NECAB2: variants seen among roughly 807,000 people sequenced by gnomAD.
The protein encoded by NECAB2 is N-terminal EF-hand calcium binding protein 2.
NECAB2 carries 68 observed loss-of-function variants against 51.9 expected under a neutral mutation model. The observed-to-expected ratio is 1.31, with a 90% confidence interval of 1.08 to 1.60. The LOEUF is 1.60. Ranked by LOEUF, NECAB2 falls within the 40% of genes most tolerant of loss-of-function variation. The probability of loss-of-function intolerance (pLI) is 0.00; values close to 1 mark genes in which losing one functional copy is unlikely to be tolerated. For missense variants in NECAB2, 854 were observed against 490.3 expected (o/e 1.74, Z -7.00); for synonymous variants, 329 against 203.5 (o/e 1.62, Z -5.25).
At position 83,994,419 on chromosome 16, in the gene NECAB2, T is replaced by C; in HGVS notation, c.714T>C (p.Ser238=). 4 of 1,614,000 alleles carry C rather than the reference T, an allele frequency of 2.5e-6. No homozygotes were observed. The highest frequency in any genetic ancestry group is 1.3e-5 in the African/African-American group (1 of 75,052). The change falls in exon 7 of 13, where the codon TCT becomes TCC. Residue 238 remains serine, a splice_region_variant and synonymous_variant. Transcript: ENST00000305202. ...MAMEQGKTLP[S]ATEDAKEEGL... is the part of the protein sequence containing the mutation. ...TGGAACAAGGCAAGACCCTTCCATC[T>C]GGTGAGAGAAAGCGGGGGCCCTGGT...
At chr16:83,990,420 C>T in intron 5 of NECAB2, 74 bp from the exon 6 acceptor site, 1 of 1,561,944 alleles carries the variant, frequency 6.4e-7, no homozygotes, top group Non-Finnish European at 8.7e-7. Context: ...TTTCCCCCAA[C>T]TCCTGTGCTA....
intron 6 of NECAB2, chr16:83,993,254 T>C (rs897093542): frequency 6.6e-6 from 1 of 152,186 alleles, no homozygotes; most frequent in African/African-American, 2.4e-5. Flanking sequence ...CAACCCGTCA[T>C]GGTCTGAGGG....
Position 83,981,239 on chromosome 16 carries a change from C to G in NECAB2, c.459+112C>G, listed in dbSNP as rs570337813. The G allele has an allele frequency of 2.9e-5, 27 of 926,790 alleles. No individual in the cohort carries two copies. In the African/African-American group the frequency reaches 4.4e-4, roughly 15 times the overall value. 57.4% of individuals were successfully genotyped at this position (926,790 alleles called of 1,614,324 possible). A position where few individuals can be genotyped will look rare whatever the true frequency, so the allele number is the denominator to read the frequency against. On this transcript the variant is annotated intron_variant, in intron 5 of 12. Transcript: ENST00000305202. Reference sequence around the variant, plus strand: ...GACAGGCCGCCAGGGAGGCCTATCTCAGGGGTGGGCTTTGCCTGGGCCTCT... The same window carrying G: ...GACAGGCCGCCAGGGAGGCCTATCTGAGGGGTGGGCTTTGCCTGGGCCTCT...
At chr16:83,988,454 A>G (rs2084581745) in intron 5 of NECAB2, among the ~76,000 whole-genome samples, 1 of 152,196 alleles carries the variant, frequency 6.6e-6, no homozygotes, top group Non-Finnish European at 1.5e-5. Context: ...ATAATTTTTA[A>G]GATTTTAGGC....
upstream of NECAB2, chr16:83,965,316 C>G (rs201583830): frequency 6.3e-6 from 10 of 1,583,608 alleles, no homozygotes; most frequent in East Asian, 2.0e-4. Context: ...GCCACAGGCA[C>G]GTTCGACAGC....
intron 2 of NECAB2, among the ~76,000 whole-genome samples, chr16:83,976,265 G>A (rs962362981): frequency 6.6e-6 from 1 of 152,202 alleles, no homozygotes; most frequent in African/African-American, 2.4e-5. Flanking sequence ...CCTGGATTAG[G>A]TTGAGAGCCT....
At chr16:83,972,635 C>T (rs2084361804) in intron 2 of NECAB2, among the ~76,000 whole-genome samples, 1 of 152,224 alleles carries the variant, frequency 6.6e-6, no homozygotes, top group Non-Finnish European at 1.5e-5. Context: ...GACACCATAG[C>T]AGCCCAGAGA....
chr16:83,978,901 C>T (rs1197902696), intron 3 of NECAB2, among the ~76,000 whole-genome samples: 2 of 152,114 alleles, frequency 1.3e-5, no homozygotes. Context: ...AACCCCAATG[C>T]CTGTGTGTCC....
At chr16:84,000,405 C>G (rs566238727) in intron 10 of NECAB2, among the ~76,000 whole-genome samples, 6 of 152,178 alleles carry the variant, frequency 3.9e-5, no homozygotes, top group African/African-American at 9.6e-5. Flanking sequence ...GTGCACTCCT[C>G]TAGTCCCCGC....
At chr16:83,999,290 C>T (rs1325383207) in intron 10 of NECAB2, among the ~76,000 whole-genome samples, 2 of 152,144 alleles carry the variant, frequency 1.3e-5, no homozygotes, top group Non-Finnish European at 2.9e-5. Context: ...ACCCACTCCA[C>T]TCCAGGAGGA....
At chr16:83,998,996 A>G (rs2084766853) in intron 10 of NECAB2, among the ~76,000 whole-genome samples, 1 of 152,142 alleles carries the variant, frequency 6.6e-6, no homozygotes, top group East Asian at 1.9e-4. Flanking sequence ...TTCTGCAGCA[A>G]GGCTCTGCCC....
chr16:84,000,901 G>T, intron 11 of NECAB2, 100 bp downstream of exon 11: 4 of 1,204,026 alleles, frequency 3.3e-6, no homozygotes, highest in Non-Finnish European at 3.6e-6. Flanking sequence ...GTAAGGCCGA[G>T]TCCAGTCAGC....
intron 3 of NECAB2, among the ~76,000 whole-genome samples, chr16:83,980,105 G>T (rs756506111): frequency 6.6e-6 from 1 of 152,236 alleles, no homozygotes; most frequent in African/African-American, 2.4e-5. Context: ...CACTGAGCAC[G>T]ATGAGGGACC....
chr16:83,973,016 T>G (rs138106092), intron 2 of NECAB2, among the ~76,000 whole-genome samples: 368 of 152,334 alleles, frequency 2.4e-3, no homozygotes, highest in African/African-American at 8.5e-3. Context: ...GCAATAACAC[T>G]TGCCCTGCCT....
In NECAB2 at chr16:84,000,727, C is replaced by G. The variant is rs1191822223; in HGVS notation, c.966C>G (p.Ile322Met). 4.3e-6 allele frequency: 7 copies of G among 1,613,716 alleles called. No homozygotes were observed. Among genetic ancestry groups the G allele is most frequent in the Non-Finnish European group, 5.9e-6 (7 of 1,179,956 alleles). ...GTTGVRNCFH[I>M]TAVRLSDGFT... ...CCCCGACCATCTCCTGTTGCAGCAT[C>G]ACTGCCGTGAGGCTCTCAGATGGCT... Residue 322 changes from isoleucine to methionine, a missense_variant, in exon 11 of 13, where the codon ATC becomes ATG. By Grantham distance (10) the Ile-to-Met change is conservative. Coordinates refer to ENST00000305202, the MANE Select transcript of NECAB2 (RefSeq NM_019065.3).
intron 5 of NECAB2, among the ~76,000 whole-genome samples, chr16:83,988,605 T>C (rs1490189546): frequency 6.6e-6 from 1 of 152,222 alleles, no homozygotes; most frequent in Non-Finnish European, 1.5e-5. Flanking sequence ...AACTTCCCCA[T>C]ATGAAGAACT....
intron 9 of NECAB2, 74 bp from the exon 10 acceptor site, chr16:83,998,131 A>G (rs1429210181): frequency 7.4e-6 from 10 of 1,347,998 alleles, no homozygotes; most frequent in Non-Finnish European, 1.0e-5. Context: ...AAGGGAGGTC[A>G]TGGGGGCCTG....
rs191599284 is a variant in NECAB2, at chr16:83,985,361, G to T, written c.459+4234G>T. 6.7e-3 allele frequency among the ~76,000 whole-genome samples: 946 copies of T among 141,036 alleles called. 10 individuals carry two copies. The highest frequency in any genetic ancestry group is 0.065 in the Middle Eastern group (16 of 246). The allele number at this position is 141,036 out of a possible 152,430, so 92.5% of individuals were successfully genotyped here. A position where few individuals can be genotyped will look rare whatever the true frequency, so the allele number is the denominator to read the frequency against. On this transcript the variant is annotated intron_variant, in intron 5 of 12. Transcript: ENST00000305202. ...AAAAAAAAAAAGGTTACTGCTGGGT[G>T]CGGTGGCTCACACCTGTAATCCCAG... is the stretch of plus-strand genomic sequence containing the variant.
chr16:83,965,413 G>C, upstream of NECAB2: 1 of 1,578,468 alleles, frequency 6.3e-7, no homozygotes, highest in Non-Finnish European at 8.6e-7. Flanking sequence ...GGGTGGGTGC[G>C]GTGACCCCGG....
Sources: gnomAD v4.1 joint callset for allele counts (sites outside exome capture counted in the v4.1 genomes callset) on GRCh38, gnomAD v4.1.1 for gene constraint, MANE v1.5 for transcripts, NCBI Gene and HGNC (gene_info 2026-07-23, HGNC 2026-07-21) for gene names.